The following CD2AP variants were observed in gnomAD, a reference collection of about 807,000 sequenced individuals.
CD2AP encodes CD2-associated protein.
Under a neutral mutation model 85.1 loss-of-function variants are expected in CD2AP, and 46 were observed. The observed-to-expected ratio is 0.54, with a 90% CI of 0.43 to 0.69. The LOEUF (loss-of-function observed/expected upper bound fraction) is 0.69. Among genes scored for constraint, CD2AP ranks in the 30% least tolerant of loss-of-function variants. The pLI, the probability that CD2AP is intolerant of heterozygous loss-of-function variation, is 0.00. For missense variants in CD2AP, 769 were observed against 729.5 expected, an observed-to-expected ratio of 1.05 and a Z score of -0.62; for synonymous variants, 255 against 252.9, an observed-to-expected ratio of 1.01 and a Z score of -0.08.
chr6:47,524,983 A>C (rs1766685514), intron 2 of CD2AP, among the ~76,000 whole-genome samples: 1 of 152,142 alleles, frequency 6.6e-6, no homozygotes. Flanking sequence ...GCTTTAGTGA[A>C]TATCCAATTT....
rs1447114535 is a variant in CD2AP at position 47,478,137 on chromosome 6, G to T, written c.-108G>T. On this transcript the variant is annotated 5_prime_UTR_variant, in exon 1 of 18. Transcript: ENST00000359314. ...CCCCGCCTGAGCTCAGGAGGGGCTA[G>T]CGCGGAGCGCGGGTCCCGCCTCCAG... 6 of 1,410,532 alleles carry T rather than the reference G, an allele frequency of 4.3e-6. No individual in the cohort carries two copies. Among genetic ancestry groups the T allele is most frequent in the East Asian group, 2.5e-5 (1 of 40,178 alleles). 87.4% of individuals were successfully genotyped at this position (1,410,532 alleles called of 1,614,324 possible).
intron 15 of CD2AP, among the ~76,000 whole-genome samples, chr6:47,608,447 G>A (rs1769335209): frequency 6.6e-6 from 1 of 152,072 alleles, no homozygotes; most frequent in Admixed American, 6.6e-5. Context: ...CATGTGTTAG[G>A]TGTCTTGTCA....
intron 1 of CD2AP, among the ~76,000 whole-genome samples, chr6:47,489,481 C>T (rs950419397): frequency 9.9e-5 from 15 of 151,962 alleles, no homozygotes; most frequent in African/African-American, 2.2e-4. Flanking sequence ...CGGCTGCACT[C>T]GACTAGTTTT....
At position 47,610,972 on chromosome 6, in the gene CD2AP, T is replaced by TATATA. The variant is rs1491427733; in HGVS notation, c.1815-1501_1815-1500insATATA. Among the ~76,000 whole-genome samples the TATATA allele has an allele frequency of 1.2e-3, 70 of 56,328 alleles. 1 individual carries two copies. The highest frequency in any genetic ancestry group is 2.2e-3 in the African/African-American group (27 of 12,112). The allele number at this position is 56,328 out of a possible 152,430, so 37.0% of individuals were successfully genotyped here. On this transcript the variant is annotated intron_variant, in intron 16 of 17. Coordinates refer to ENST00000359314, the MANE Select transcript of CD2AP (RefSeq NM_012120.3). ...ATTTATATATATATATATATATGTA[T>TATATA]TTTTTTTTTTTTTTGAATATAAAAC... is the stretch of plus-strand genomic sequence containing the variant.
At chr6:47,580,484 C>T (rs1314496476) in intron 9 of CD2AP, among the ~76,000 whole-genome samples, 1 of 151,588 alleles carries the variant, frequency 6.6e-6, no homozygotes, top group African/African-American at 2.4e-5. Context: ...AAAACGGTCT[C>T]TCCCTTGTTC....
At chr6:47,613,568 T>A (rs760499417) in intron 17 of CD2AP, among the ~76,000 whole-genome samples, 6 of 152,080 alleles carry the variant, frequency 3.9e-5, no homozygotes, top group African/African-American at 7.2e-5. Flanking sequence ...CAGTAAATCA[T>A]GCTGTAAACA....
chr6:47,608,548 T>G (rs1769337489), intron 15 of CD2AP, among the ~76,000 whole-genome samples: 1 of 152,226 alleles, frequency 6.6e-6, no homozygotes, highest in Admixed American at 6.5e-5. Context: ...AATTATTTCT[T>G]GATTTCATTT....
At chr6:47,608,055 G>A (rs779226333) in intron 15 of CD2AP, 27 bp downstream of exon 15, 10 of 1,499,612 alleles carry the variant, frequency 6.7e-6, no homozygotes, top group Non-Finnish European at 9.3e-6. Flanking sequence ...TCTAAGGTTT[G>A]TTGACTTTCT....
At chr6:47,582,119 T>A in intron 11 of CD2AP, 54 bp downstream of exon 11, 1 of 1,083,184 alleles carries the variant, frequency 9.2e-7, no homozygotes, top group Non-Finnish European at 1.4e-6. Context: ...ATTGTCATTT[T>A]AAAGAGAATT....
At chr6:47,540,449 A>G (rs1246353059) in intron 3 of CD2AP, among the ~76,000 whole-genome samples, 1 of 152,198 alleles carries the variant, frequency 6.6e-6, no homozygotes, top group East Asian at 1.9e-4. Flanking sequence ...CTATTTAAAT[A>G]TGAAATAATG....
At chr6:47,531,838 C>T (rs544568856) in intron 2 of CD2AP, among the ~76,000 whole-genome samples, 139 of 151,998 alleles carry the variant, frequency 9.1e-4, no homozygotes, top group African/African-American at 3.2e-3. Flanking sequence ...TTTGGGAGGT[C>T]GAGGCAGGCA....
intron 13 of CD2AP, among the ~76,000 whole-genome samples, chr6:47,603,953 C>A (rs925169885): frequency 6.6e-6 from 1 of 151,908 alleles, no homozygotes; most frequent in Non-Finnish European, 1.5e-5. Context: ...TTTATTCTAA[C>A]CCTTTTGGTT....
chr6:47,506,764 A>C (rs1316081342), intron 2 of CD2AP, among the ~76,000 whole-genome samples: 3 of 143,102 alleles, frequency 2.1e-5, no homozygotes, highest in Admixed American at 6.9e-5. Flanking sequence ...TCGGCTCCGC[A>C]TGAGAGGGAG....
intron 3 of CD2AP, among the ~76,000 whole-genome samples, chr6:47,536,421 G>T (rs1164550907): frequency 6.6e-6 from 1 of 152,094 alleles, no homozygotes; most frequent in African/African-American, 2.4e-5. Flanking sequence ...TATATGTTCA[G>T]TTTAAATCCC....
At chr6:47,544,980 A>C in intron 4 of CD2AP, 1 of 294,232 alleles carries the variant, frequency 3.4e-6, no homozygotes, top group South Asian at 6.2e-5. Context: ...TGAATTTACC[A>C]TAGGCAAAAA....
At chr6:47,588,028 C>T (rs190078154) in intron 11 of CD2AP, among the ~76,000 whole-genome samples, 4 of 152,174 alleles carry the variant, frequency 2.6e-5, no homozygotes, top group Non-Finnish European at 4.4e-5. Context: ...TATTGCTTTC[C>T]GTGTGTTTGC....
intron 1 of CD2AP, among the ~76,000 whole-genome samples, chr6:47,493,241 A>G (rs1402416746): frequency 1.3e-5 from 2 of 151,332 alleles, no homozygotes; most frequent in Non-Finnish European, 2.9e-5. Flanking sequence ...TTCCTTTAAC[A>G]TGTCTTTTGT....
intron 3 of CD2AP, among the ~76,000 whole-genome samples, chr6:47,541,612 G>A (rs569818825): frequency 6.6e-6 from 1 of 152,146 alleles, no homozygotes; most frequent in Non-Finnish European, 1.5e-5. Context: ...TGCATGTAGT[G>A]TGCTTCTTTT....
chr6:47,595,712 A>G, intron 11 of CD2AP, 149 bp from the exon 12 acceptor site: 1 of 560,392 alleles, frequency 1.8e-6, no homozygotes, highest in Non-Finnish European at 3.1e-6. Flanking sequence ...CTTTAAAATA[A>G]GTAAAACAGT....
Sources: gnomAD v4.1 joint callset for allele counts (sites outside exome capture counted in the v4.1 genomes callset) on GRCh38, gnomAD v4.1.1 for gene constraint, MANE v1.5 for transcripts, NCBI Gene and HGNC (gene_info 2026-07-23, HGNC 2026-07-21) for gene names.